The following CWF19L2 variants were observed in gnomAD, a reference collection of about 807,000 sequenced individuals.
The protein encoded by CWF19L2 is CWF19-like protein 2.
CWF19L2 carries 98 observed loss-of-function variants against 111.7 expected under a neutral mutation model. The observed-to-expected ratio is 0.88, with a 90% CI of 0.75 to 1.04. The LOEUF (loss-of-function observed/expected upper bound fraction) is 1.04, where lower values mean the gene tolerates loss of function less well. Among genes scored for constraint, CWF19L2 ranks in the 50% least tolerant of loss-of-function variants. The pLI, the probability that CWF19L2 is intolerant of heterozygous loss-of-function variation, is 0.00. For missense variants in CWF19L2, 1,101 were observed against 1,051.4 expected (o/e 1.05, Z -0.65); for synonymous variants, 351 against 342.9 (o/e 1.02, Z -0.26).
chr11:107,456,907 T>C (rs1027287014), intron 1 of CWF19L2, among the ~76,000 whole-genome samples: 8 of 152,196 alleles, frequency 5.3e-5, no homozygotes, highest in Admixed American at 3.9e-4. Context: ...TGAAACTATG[T>C]CATTTTCCCT....
At chr11:107,383,289 G>C (rs927852299) in intron 12 of CWF19L2, among the ~76,000 whole-genome samples, 1 of 152,086 alleles carries the variant, frequency 6.6e-6, no homozygotes, top group African/African-American at 2.4e-5. Context: ...ACCCCAACCT[G>C]TGGAATCAGA....
At chr11:107,451,551 T>C (rs978589388) in intron 3 of CWF19L2, among the ~76,000 whole-genome samples, 4 of 151,752 alleles carry the variant, frequency 2.6e-5, no homozygotes, top group African/African-American at 9.7e-5. Context: ...CAAGACAGAC[T>C]GACAGAGGAA....
At chr11:107,454,190 C>T (rs1245412946) in intron 3 of CWF19L2, among the ~76,000 whole-genome samples, 1 of 152,214 alleles carries the variant, frequency 6.6e-6, no homozygotes, top group African/African-American at 2.4e-5. Context: ...ATTGTTACAG[C>T]AGGCCTTGGG....
intron 2 of CWF19L2, among the ~76,000 whole-genome samples, 181 bp from the exon 3 acceptor site, chr11:107,454,753 A>G (rs1276028340): frequency 6.6e-6 from 1 of 152,202 alleles, no homozygotes. Context: ...CTTCTATAAT[A>G]TATGCACTAT....
At chr11:107,441,750 C>A in intron 4 of CWF19L2, 128 bp from the exon 5 acceptor site, 1 of 843,164 alleles carries the variant, frequency 1.2e-6, no homozygotes, top group Non-Finnish European at 1.7e-6. Flanking sequence ...GAAACAAGTC[C>A]TACATGGCTA....
In CWF19L2 at chr11:107,428,897, A is replaced by G; in HGVS notation, c.1335T>C (p.His445=). Residue 445 remains histidine (H), a synonymous_variant, in exon 8 of 18, where the codon CAT becomes CAC. Coordinates refer to ENST00000282251, the MANE Select transcript of CWF19L2 (RefSeq NM_152434.3). ...PSETSTDEHQ[H]VPEDPREKSQ... ...ATTTTTCTCTTGGGTCTTCTGGAAC[A>G]TGTTGGTGTTCATCAGTACTGGTTT... 6.2e-7 allele frequency: 1 copy of G among 1,613,462 alleles called. No homozygotes were observed. Among genetic ancestry groups the G allele is most frequent in the Non-Finnish European group, 8.5e-7 (1 of 1,179,694 alleles).
At chr11:107,429,551 T>C (rs900888003) in intron 7 of CWF19L2, 100 bp from the exon 8 acceptor site, 10 of 876,250 alleles carry the variant, frequency 1.1e-5, no homozygotes, top group African/African-American at 1.7e-5. Context: ...AGTGGCACAC[T>C]GAAAAGCCCA....
At chr11:107,354,161 T>C (rs1284737782) in intron 12 of CWF19L2, among the ~76,000 whole-genome samples, 1 of 151,970 alleles carries the variant, frequency 6.6e-6, no homozygotes, top group Non-Finnish European at 1.5e-5. Context: ...CAACATGAAC[T>C]ATGGACAGAT....
At chr11:107,381,341 A>T (rs1377785493) in intron 12 of CWF19L2, among the ~76,000 whole-genome samples, 1 of 152,192 alleles carries the variant, frequency 6.6e-6, no homozygotes, top group Non-Finnish European at 1.5e-5. Context: ...CCCATCACCT[A>T]TAGGTGAGGT....
intron 17 of CWF19L2, among the ~76,000 whole-genome samples, chr11:107,327,798 G>A (rs138027713): frequency 8.0e-4 from 121 of 152,140 alleles, no homozygotes; most frequent in African/African-American, 2.8e-3. Flanking sequence ...GGGCAGTATG[G>A]TAACAAAGCA....
At chr11:107,451,321 G>A (rs969007435) in intron 3 of CWF19L2, among the ~76,000 whole-genome samples, 1 of 152,056 alleles carries the variant, frequency 6.6e-6, no homozygotes, top group Admixed American at 6.6e-5. Context: ...ATACAACAGT[G>A]CTATGAGAAA....
At chr11:107,419,447 T>A (rs1389622301) in intron 8 of CWF19L2, among the ~76,000 whole-genome samples, 1 of 152,112 alleles carries the variant, frequency 6.6e-6, no homozygotes, top group Non-Finnish European at 1.5e-5. Context: ...TCAATGATGA[T>A]CAGACAGGCA....
intron 6 of CWF19L2, among the ~76,000 whole-genome samples, chr11:107,437,733 T>C (rs564886763): frequency 6.6e-6 from 1 of 152,206 alleles, no homozygotes; most frequent in Admixed American, 6.5e-5. Flanking sequence ...AGTAAAACTC[T>C]GGATCTTCTC....
At chr11:107,327,549 A>G (rs1486747864) in intron 17 of CWF19L2, among the ~76,000 whole-genome samples, 1 of 152,216 alleles carries the variant, frequency 6.6e-6, no homozygotes, top group African/African-American at 2.4e-5. Context: ...TCCTATTGTA[A>G]TACTAGTTTA....
chr11:107,442,783 G>A (rs962611197), intron 4 of CWF19L2, among the ~76,000 whole-genome samples, 156 bp downstream of exon 4: 2 of 52,656 alleles, frequency 3.8e-5, no homozygotes, highest in African/African-American at 2.4e-4. Flanking sequence ...AGGAAGGAAG[G>A]AAGGAAGGAA....
intron 13 of CWF19L2, among the ~76,000 whole-genome samples, chr11:107,353,277 T>C (rs888525266): frequency 6.6e-6 from 1 of 152,184 alleles, no homozygotes; most frequent in African/African-American, 2.4e-5. Flanking sequence ...ATTTATTCAA[T>C]GTAAGAATTA....
intron 8 of CWF19L2, 76 bp from the exon 9 acceptor site, chr11:107,418,363 A>AT (rs763155381): frequency 2.2e-6 from 2 of 907,180 alleles, no homozygotes; most frequent in Non-Finnish European, 3.7e-6. Context: ...CTCAAATGTT[A>AT]TTTTAACTGA....
Position 107,441,534 on chromosome 11 carries a change from AT to A in CWF19L2, c.538del (p.Ile180Ter). 6.5e-7 allele frequency: 1 copy of A among 1,547,450 alleles called. No individual in the cohort carries two copies. ...LKAEKETMRK[I>X]EQEKNQALEQ... ...AAGCGCTTGGTTTTTCTCTTGCTCT[AT>A]TTTCCTCATAGTTTCCTTTTCAGCT... On this transcript the variant is annotated frameshift_variant, in exon 5 of 18. Transcript: ENST00000282251. LOFTEE classifies it high-confidence loss of function.
At chr11:107,400,597 C>T (rs1860986138) in intron 10 of CWF19L2, among the ~76,000 whole-genome samples, 1 of 151,968 alleles carries the variant, frequency 6.6e-6, no homozygotes, top group Non-Finnish European at 1.5e-5. Context: ...AAAAAAAGTC[C>T]AGGACCAGAA....
Sources: allele counts gnomAD v4.1 joint callset (sites outside exome capture counted in the v4.1 genomes callset), GRCh38; gene constraint gnomAD v4.1.1; transcripts MANE v1.5; gene names NCBI Gene and HGNC (gene_info 2026-07-23, HGNC 2026-07-21).